Variants in SECISBP2L observed in about 807,000 individuals in gnomAD.
The protein encoded by SECISBP2L is selenocysteine insertion sequence-binding protein 2-like.
In SECISBP2L, 43 loss-of-function variants were observed where a neutral mutation model predicts 114.7. The observed-to-expected ratio is 0.38, with a 90% confidence interval of 0.29 to 0.48. The LOEUF (loss-of-function observed/expected upper bound fraction) is 0.48, where lower values mean the gene tolerates loss of function less well. Among genes scored for constraint, SECISBP2L ranks in the 20% least tolerant of loss-of-function variants. The pLI, the probability that SECISBP2L is intolerant of heterozygous loss-of-function variation, is 0.98. For synonymous variants in SECISBP2L, 451 were observed against 439.7 expected, an observed-to-expected ratio of 1.03 and a Z score of -0.32; for missense variants, 1,136 against 1,301.1, an observed-to-expected ratio of 0.87 and a Z score of 1.95.
Position 49,026,161 on chromosome 15 carries a change from G to A in SECISBP2L, c.1035+1204C>T, listed in dbSNP as rs190560673. Among the ~76,000 whole-genome samples the A allele has an allele frequency of 1.8e-3, 279 of 152,266 alleles. 1 individual carries two copies. The highest frequency in any genetic ancestry group is 6.6e-3 in the African/African-American group (276 of 41,566). ...TAACACACGTTGTCACTCACATGTG[G>A]AAGCTAAAAAAGTTGATCTTACAAG... On this transcript the variant is annotated intron_variant, in intron 7 of 17. Transcript: ENST00000559471.
In SECISBP2L at chr15:48,999,970, G is replaced by C. The variant is rs17853135; in HGVS notation, c.2266C>G (p.Leu756Val). 6.8e-6 allele frequency: 11 copies of C among 1,613,572 alleles called. No individual in the cohort carries two copies. Among genetic ancestry groups the C allele is most frequent in the Non-Finnish European group, 2.5e-6 (3 of 1,179,806 alleles). ...IQSKGGLDEA[L>V]YNVIAMAREQ... ...CGTGCCATGGCTATAACATTATAGA[G>C]AGCCTCATCCAGACCACCTGAGAAA... Residue 756 changes from leucine to valine, a missense_variant, in exon 16 of 18, where the codon CTC becomes GTC. By Grantham distance (32) the Leu-to-Val change is conservative. This residue lies in a region of SECISBP2L where 684 missense variants were observed against 848.7 expected (regional missense o/e 0.81). Transcript: ENST00000559471.
At chr15:49,035,297 T>C (rs1292281516) in intron 3 of SECISBP2L, 37 bp downstream of exon 3, 1 of 1,570,476 alleles carries the variant, frequency 6.4e-7, no homozygotes, top group Admixed American at 1.8e-5. Flanking sequence ...ATATAAGTAA[T>C]ATCAAATTTA....
In SECISBP2L at chr15:48,992,571, ATCT is replaced by A. The variant is rs201240214; in HGVS notation, c.2976_2978del (p.Glu992del). 3,488 of 1,613,768 alleles carry A rather than the reference ATCT, an allele frequency of 2.2e-3. 29 individuals carry two copies. The highest frequency in any genetic ancestry group is 1.4e-3 in the Admixed American group (86 of 59,982). ...AATCTTCCTCCTCCTCCTCATCTTCATCTTCTTCTTCTTCAAGCATGCCAGGTA... is the reference window on the plus strand; with the variant it reads ...AATCTTCCTCCTCCTCCTCATCTTCATCTTCTTCTTCAAGCATGCCAGGTA... On this transcript the variant is annotated inframe_deletion, in exon 18 of 18. Transcript: ENST00000559471.
intron 4 of SECISBP2L, among the ~76,000 whole-genome samples, chr15:49,032,435 T>C (rs1247840428): frequency 6.6e-6 from 1 of 152,228 alleles, no homozygotes; most frequent in African/African-American, 2.4e-5. Flanking sequence ...TTAATGCCTG[T>C]ACAGTCCTCT....
At chr15:49,026,084 G>A (rs933963600) in intron 7 of SECISBP2L, among the ~76,000 whole-genome samples, 1 of 152,188 alleles carries the variant, frequency 6.6e-6, no homozygotes, top group Non-Finnish European at 1.5e-5. Context: ...CAACATGGAT[G>A]AGCCTAGAGG....
chr15:49,045,881 C>T (rs1342763711), intron 1 of SECISBP2L, among the ~76,000 whole-genome samples: 1 of 152,206 alleles, frequency 6.6e-6, no homozygotes, highest in East Asian at 1.9e-4. Context: ...CTCTTACAGT[C>T]TTTCTGGGTG....
chr15:49,006,852 G>A (rs1902333662), intron 14 of SECISBP2L, among the ~76,000 whole-genome samples: 1 of 152,136 alleles, frequency 6.6e-6, no homozygotes. Context: ...GAGGAGTTGT[G>A]ATCCTTTGGA....
chr15:49,045,622 T>C (rs771721763), intron 1 of SECISBP2L, among the ~76,000 whole-genome samples: 2 of 152,226 alleles, frequency 1.3e-5, no homozygotes, highest in Non-Finnish European at 2.9e-5. Flanking sequence ...ATAGGACTAC[T>C]TTGCGAATAT....
intron 1 of SECISBP2L, among the ~76,000 whole-genome samples, chr15:49,040,203 G>GT (rs1903094825): frequency 6.6e-6 from 1 of 152,136 alleles, no homozygotes; most frequent in African/African-American, 2.4e-5. Flanking sequence ...CATATACACA[G>GT]TATGTGCCTT....
At position 49,046,367 on chromosome 15, in the gene SECISBP2L, G is replaced by A. The variant is rs970193669; in HGVS notation, c.-68C>T. ...AGCGCCTCGGGCCGCTTTCTCCATG[G>A]CCCCCCGCTCGGGTCCAGACTGGGT... On this transcript the variant is annotated 5_prime_UTR_variant, in exon 1 of 18. Coordinates refer to ENST00000559471, the MANE Select transcript of SECISBP2L (RefSeq NM_001193489.2). 7 of 1,404,330 alleles carry A rather than the reference G, an allele frequency of 5.0e-6. No individual in the cohort carries two copies. The Admixed American group carries it at 9.1e-5, about 18-fold the overall frequency. 87.0% of individuals were successfully genotyped at this position (1,404,330 alleles called of 1,614,324 possible). A position where few individuals can be genotyped will look rare whatever the true frequency, so the allele number is the denominator to read the frequency against.
chr15:49,034,083 C>A (rs751359376), intron 3 of SECISBP2L, among the ~76,000 whole-genome samples: 23 of 151,904 alleles, frequency 1.5e-4, no homozygotes, highest in Admixed American at 2.6e-4. Context: ...TATTTCTTGA[C>A]CAAGAAAGTT....
At position 48,990,186 on chromosome 15, in the gene SECISBP2L, GATATAAA is replaced by G. The variant is rs1333548234; in HGVS notation, c.*2051_*2057del. On this transcript the variant is annotated 3_prime_UTR_variant, in exon 18 of 18. Coordinates refer to ENST00000559471, the MANE Select transcript of SECISBP2L (RefSeq NM_001193489.2). ...AAAATGACAATTCATGTTCAGAAGA[GATATAAA>G]ATATAAGAAACCTGTGAAAAGCCAT... The G allele has an allele frequency of 6.6e-6, 1 of 152,572 alleles. No homozygotes were observed. The highest frequency in any genetic ancestry group is 1.5e-5 in the Non-Finnish European group (1 of 68,018). 9.5% of individuals were successfully genotyped at this position (152,572 alleles called of 1,614,324 possible). A position where few individuals can be genotyped will look rare whatever the true frequency, so the allele number is the denominator to read the frequency against.
chr15:49,021,848 A>C (rs1009333641), intron 7 of SECISBP2L, among the ~76,000 whole-genome samples: 2 of 152,196 alleles, frequency 1.3e-5, no homozygotes, highest in South Asian at 4.1e-4. Context: ...ATGAATCAAT[A>C]ACCTCAGGAC....
intron 1 of SECISBP2L, among the ~76,000 whole-genome samples, chr15:49,039,156 G>A (rs1007065195): frequency 3.3e-5 from 5 of 152,114 alleles, no homozygotes; most frequent in Non-Finnish European, 7.4e-5. Context: ...CTGATTTGAG[G>A]TTTACATTTG....
intron 1 of SECISBP2L, among the ~76,000 whole-genome samples, chr15:49,038,000 A>G (rs999954512): frequency 2.6e-5 from 4 of 152,212 alleles, no homozygotes; most frequent in African/African-American, 9.6e-5. Context: ...TTACATTTCA[A>G]TGTAATTAAA....
chr15:49,000,485 T>G (rs1902179121), intron 15 of SECISBP2L, among the ~76,000 whole-genome samples: 1 of 152,190 alleles, frequency 6.6e-6, no homozygotes, highest in Non-Finnish European at 1.5e-5. Flanking sequence ...ATGATGTAGT[T>G]CAAAGTACTT....
Position 49,006,925 on chromosome 15 carries a change from C to T in SECISBP2L, c.2027+2291G>A, listed in dbSNP as rs570128359. Among the ~76,000 whole-genome samples the T allele has an allele frequency of 1.2e-4, 19 of 152,198 alleles. 1 individual carries two copies. In the South Asian group the frequency reaches 3.3e-3, roughly 27 times the overall value. On this transcript the variant is annotated intron_variant, in intron 14 of 17. Transcript: ENST00000559471. ...TTTTGCGCTGGTTTTTCCTCATCTT[C>T]GTGGATTTATCTATCTTTGGTCTTT...
At chr15:49,036,217 G>A (rs1314033627) in intron 2 of SECISBP2L, among the ~76,000 whole-genome samples, 1 of 152,176 alleles carries the variant, frequency 6.6e-6, no homozygotes, top group African/African-American at 2.4e-5. Context: ...CAGGCTCTGG[G>A]TCCAAGGGAA....
intron 4 of SECISBP2L, among the ~76,000 whole-genome samples, chr15:49,029,869 T>C (rs1468633842): frequency 1.3e-5 from 2 of 151,846 alleles, no homozygotes; most frequent in African/African-American, 2.4e-5. Context: ...GGTTTTAATT[T>C]GTATGTACCT....
Sources: gnomAD v4.1 joint callset for allele counts (sites outside exome capture counted in the v4.1 genomes callset) on GRCh38, gnomAD v4.1.1 for gene constraint, gnomAD v4.1.1 regional missense constraint, MANE v1.5 for transcripts, NCBI Gene and HGNC (gene_info 2026-07-23, HGNC 2026-07-21) for gene names.